IQGAP2: variants seen among roughly 807,000 people sequenced by gnomAD.
IQGAP2 encodes ras GTPase-activating-like protein IQGAP2.
IQGAP2 carries 173 observed loss-of-function variants against 201.3 expected under a neutral mutation model. The ratio of observed to expected loss-of-function variants is 0.86; its 90% confidence interval spans 0.76 to 0.98. The LOEUF is 0.98. IQGAP2 is among the 50% of genes least tolerant of loss of function. The probability of loss-of-function intolerance (pLI) is 0.00; values close to 1 mark genes in which losing one functional copy is unlikely to be tolerated. For synonymous variants in IQGAP2, 675 were observed against 673.9 expected (o/e 1.00, Z -0.03); for missense variants, 1,687 against 1,864.8 (o/e 0.90, Z 1.76).
At chr5:76,656,460 C>T (rs1742729086) in intron 20 of IQGAP2, among the ~76,000 whole-genome samples, 1 of 151,240 alleles carries the variant, frequency 6.6e-6, no homozygotes, top group Admixed American at 6.6e-5. Context: ...GGATTACAGG[C>T]ATGAGCCACT....
chr5:76,403,881 G>C lies in IQGAP2; in HGVS notation c.46+290G>C, dbSNP rs1031315566. ...GGGATTGCGCTCTGGGACAGACCAGGTTGGGATTTTAGGGGTATCAGGTGA... is the reference window on the plus strand; with the variant it reads ...GGGATTGCGCTCTGGGACAGACCAGCTTGGGATTTTAGGGGTATCAGGTGA... On this transcript the variant is annotated intron_variant, in intron 1 of 35. Transcript: ENST00000274364. The surrounding 1 kb of genome is among the most constrained non-coding windows in gnomAD (Gnocchi z 4.8). Among the ~76,000 whole-genome samples, 5 of 152,210 alleles carry C rather than the reference G, an allele frequency of 3.3e-5. No homozygotes were observed. The highest frequency in any genetic ancestry group is 1.2e-4 in the African/African-American group (5 of 41,458).
intron 32 of IQGAP2, among the ~76,000 whole-genome samples, chr5:76,697,590 C>G (rs1746874244): frequency 6.6e-6 from 1 of 152,108 alleles, no homozygotes; most frequent in Admixed American, 6.5e-5. Flanking sequence ...TTGCAGAGAT[C>G]AGGCCACTGC....
At chr5:76,404,470 C>G (rs1580121037) in intron 1 of IQGAP2, 2 of 985,388 alleles carry the variant, frequency 2.0e-6, no homozygotes, top group African/African-American at 1.7e-5. Context: ...GTGGCCCTGT[C>G]AGTGAACCCA....
chr5:76,406,842 G>A (rs1750823707), intron 1 of IQGAP2, among the ~76,000 whole-genome samples: 1 of 152,202 alleles, frequency 6.6e-6, no homozygotes, highest in Admixed American at 6.5e-5. Flanking sequence ...AAGATTCAGA[G>A]CCTTCCTTTC....
intron 35 of IQGAP2, among the ~76,000 whole-genome samples, chr5:76,706,214 G>A (rs1227447286): frequency 6.6e-6 from 1 of 152,046 alleles, no homozygotes; most frequent in African/African-American, 2.4e-5. Flanking sequence ...TACCAAAAAA[G>A]TCCAAAAAAT....
intron 1 of IQGAP2, among the ~76,000 whole-genome samples, chr5:76,442,925 T>A (rs1753131888): frequency 6.6e-6 from 1 of 152,140 alleles, no homozygotes; most frequent in South Asian, 2.1e-4. Flanking sequence ...AGGCAGAGGT[T>A]GCAATAAGGC....
At chr5:76,441,558 G>A in intron 1 of IQGAP2, 13 of 977,152 alleles carry the variant, frequency 1.3e-5, no homozygotes, top group Non-Finnish European at 1.6e-5. Context: ...TTCTTATAAA[G>A]CCAGTGGCAG....
At chr5:76,695,061 G>A (rs142950958) in intron 31 of IQGAP2, among the ~76,000 whole-genome samples, 2 of 152,256 alleles carry the variant, frequency 1.3e-5, no homozygotes, top group East Asian at 3.9e-4. Context: ...GAGTTTAGCT[G>A]GGTTCTGAAC....
At chr5:76,540,452 G>C (rs1742686138) in intron 2 of IQGAP2, among the ~76,000 whole-genome samples, 1 of 152,124 alleles carries the variant, frequency 6.6e-6, no homozygotes, top group Admixed American at 6.5e-5. Context: ...TCAGACCAGA[G>C]GTCAAAGGGC....
At chr5:76,678,885 T>G (rs1745054721) in intron 28 of IQGAP2, among the ~76,000 whole-genome samples, 1 of 152,224 alleles carries the variant, frequency 6.6e-6, no homozygotes, top group Non-Finnish European at 1.5e-5. Context: ...GTATTGATTT[T>G]CTTCTTTCAG....
Position 76,590,658 on chromosome 5 carries a change from T to G in IQGAP2, c.819+72T>G, listed in dbSNP as rs575790379. 9 of 1,142,048 alleles carry G rather than the reference T, an allele frequency of 7.9e-6. No individual in the cohort carries two copies. In the East Asian group the frequency reaches 2.2e-4, roughly 27 times the overall value. 70.7% of individuals were successfully genotyped at this position (1,142,048 alleles called of 1,614,324 possible). The stretch of plus-strand genomic sequence containing the variant: ...GTTACTAGTTTGAAAAGCCTTAATG[T>G]TGAAAGCAATACTTTTAAATCAATT... On this transcript the variant is annotated intron_variant, in intron 8 of 35. Transcript: ENST00000274364.
chr5:76,658,435 G>C (rs1339626113), intron 20 of IQGAP2, 24 bp from the exon 21 acceptor site: 1 of 1,566,496 alleles, frequency 6.4e-7, no homozygotes, highest in Non-Finnish European at 8.8e-7. Flanking sequence ...CCTAATTAAA[G>C]TATACCTGTT....
At chr5:76,556,794 A>G (rs1743981239) in intron 2 of IQGAP2, among the ~76,000 whole-genome samples, 1 of 152,142 alleles carries the variant, frequency 6.6e-6, no homozygotes, top group South Asian at 2.1e-4. Flanking sequence ...AGGAGTTTCC[A>G]AGTTGTATCT....
At chr5:76,537,331 A>C (rs1318261134) in intron 2 of IQGAP2, among the ~76,000 whole-genome samples, 2 of 152,210 alleles carry the variant, frequency 1.3e-5, no homozygotes, top group Non-Finnish European at 2.9e-5. Flanking sequence ...ATTATCTCAA[A>C]TGCCACCTAT....
chr5:76,500,260 A>G (rs1043082167), intron 2 of IQGAP2, among the ~76,000 whole-genome samples: 1 of 152,240 alleles, frequency 6.6e-6, no homozygotes. Flanking sequence ...ATGAATGCAG[A>G]TACTGATTTA....
chr5:76,535,206 G>T (rs1241059434), intron 2 of IQGAP2, among the ~76,000 whole-genome samples: 3 of 152,100 alleles, frequency 2.0e-5, no homozygotes, highest in African/African-American at 7.2e-5. Flanking sequence ...AGATGAGAAC[G>T]TTGGCTGTGT....
chr5:76,696,891 A>G (rs1170228020), intron 32 of IQGAP2, among the ~76,000 whole-genome samples: 40 of 150,506 alleles, frequency 2.7e-4, no homozygotes, highest in Admixed American at 2.4e-3. Context: ...AGAATATTCT[A>G]TTTAATGAAG....
chr5:76,445,083 G>A (rs894408874), intron 1 of IQGAP2, among the ~76,000 whole-genome samples: 11 of 152,200 alleles, frequency 7.2e-5, no homozygotes, highest in African/African-American at 1.7e-4. Context: ...AGTACATCAC[G>A]GTGAGGGGTG....
intron 2 of IQGAP2, among the ~76,000 whole-genome samples, chr5:76,520,586 C>A (rs1023181654): frequency 2.6e-4 from 40 of 151,872 alleles, no homozygotes; most frequent in African/African-American, 9.2e-4. Flanking sequence ...CTTGTCTATC[C>A]CTTGAAAAAA....
Sources: gnomAD v4.1 joint callset for allele counts (sites outside exome capture counted in the v4.1 genomes callset) on GRCh38, gnomAD v4.1.1 for gene constraint, Gnocchi (gnomAD v3.1) non-coding constraint, MANE v1.5 for transcripts, NCBI Gene and HGNC (gene_info 2026-07-23, HGNC 2026-07-21) for gene names.